Variants in PPFIA2 observed in about 807,000 individuals in gnomAD.
The protein encoded by PPFIA2 is PPFI scaffold protein A2.
A neutral mutation model predicts 175.5 loss-of-function variants in PPFIA2; 46 were observed. That is an observed-to-expected ratio of 0.26 (90% confidence interval 0.21 to 0.34). The LOEUF is 0.34. Among genes scored for constraint, PPFIA2 ranks in the 10% least tolerant of loss-of-function variants. The probability of loss-of-function intolerance (pLI) is 1.00; values close to 1 mark genes in which losing one functional copy is unlikely to be tolerated. For synonymous variants in PPFIA2, 568 were observed against 511.4 expected, an observed-to-expected ratio of 1.11 and a Z score of -1.49; for missense variants, 1,179 against 1,506.1, an observed-to-expected ratio of 0.78 and a Z score of 3.60.
Position 81,631,536 on chromosome 12 carries a change from T to C in PPFIA2, c.303+45255A>G, listed in dbSNP as rs183945552. Reference sequence around the variant, plus strand: ...TTGTATAAAATTATAAATTCTTATATAGAAATACAGAGAAAAAAGGAAAGT... The same window carrying C: ...TTGTATAAAATTATAAATTCTTATACAGAAATACAGAGAAAAAAGGAAAGT... On this transcript the variant is annotated intron_variant, in intron 4 of 32. Coordinates refer to ENST00000549396, the MANE Select transcript of PPFIA2 (RefSeq NM_003625.5). 4.3e-3 allele frequency among the ~76,000 whole-genome samples: 648 copies of C among 152,328 alleles called. 18 individuals are homozygous for C. The highest frequency in any genetic ancestry group is 0.038 in the Admixed American group (586 of 15,298).
In PPFIA2 at chr12:81,284,271, T is replaced by G; in HGVS notation, c.2958A>C (p.Glu986Asp). ...PSGNVWVTHE[E>D]MENLAAPAKT... ...TTGCTGGAGCTGCAAGATTTTCCAT[T>G]TCTTCATGAGTCACCCAAACGTTGC... is the stretch of plus-strand genomic sequence containing the variant. The change falls in exon 25 of 33, where the codon GAA (glutamate) becomes GAC (aspartate). Residue 986 changes from glutamate (E) to aspartate (D), a missense_variant. Coordinates refer to ENST00000549396, the MANE Select transcript of PPFIA2 (RefSeq NM_003625.5). The G allele has an allele frequency of 6.3e-7, 1 of 1,599,084 alleles. No individual in the cohort carries two copies. The highest frequency in any genetic ancestry group is 1.1e-5 in the South Asian group (1 of 89,128).
Position 81,368,809 on chromosome 12 carries a change from C to T in PPFIA2, c.1398G>A (p.Ser466=), listed in dbSNP as rs373683549. 38 of 1,610,556 alleles carry T rather than the reference C, an allele frequency of 2.4e-5. No individual in the cohort carries two copies. Among genetic ancestry groups the T allele is most frequent in the South Asian group, 1.5e-4 (14 of 90,980 alleles). ...KMNEEHNKRL[S]DTVDRLLTES... ...CAGTCAGAAGTCTATCAACCGTATCCGATAATCTCTTGTTATGCTCCTCAT... is the reference window on the plus strand; with the variant it reads ...CAGTCAGAAGTCTATCAACCGTATCTGATAATCTCTTGTTATGCTCCTCAT... Residue 466 remains serine (S), a synonymous_variant, in exon 13 of 33, where the codon TCG becomes TCA. Transcript: ENST00000549396.
chr12:81,666,156 G>T (rs1009387223), intron 4 of PPFIA2, among the ~76,000 whole-genome samples: 5 of 152,286 alleles, frequency 3.3e-5, no homozygotes, highest in African/African-American at 9.6e-5. Flanking sequence ...CTTCTACACT[G>T]TTGGTGGGAC....
chr12:81,582,755 T>C (rs887178333), intron 4 of PPFIA2, among the ~76,000 whole-genome samples: 15 of 151,852 alleles, frequency 9.9e-5, no homozygotes, highest in African/African-American at 3.6e-4. Context: ...CAAATTTGTA[T>C]TACCAAATAA....
chr12:81,411,539 G>A (rs1373821169), intron 7 of PPFIA2, among the ~76,000 whole-genome samples: 2 of 152,052 alleles, frequency 1.3e-5, no homozygotes, highest in East Asian at 3.9e-4. Flanking sequence ...ACAACTGGTA[G>A]TCTTGGCGGC....
chr12:81,298,420 T>A (rs915587712), intron 23 of PPFIA2: 1 of 152,248 alleles, frequency 6.6e-6, no homozygotes, highest in Non-Finnish European at 1.5e-5. Flanking sequence ...CTTTATTATT[T>A]ATTTACTTAG....
chr12:81,386,410 G>C (rs1057336867), intron 8 of PPFIA2, among the ~76,000 whole-genome samples: 1 of 151,792 alleles, frequency 6.6e-6, no homozygotes, highest in Non-Finnish European at 1.5e-5. Context: ...GATCACTTGA[G>C]GCCAGGAGTT....
At chr12:81,266,840 A>G in intron 30 of PPFIA2, 112 bp downstream of exon 30, 1 of 762,722 alleles carries the variant, frequency 1.3e-6, no homozygotes, top group Admixed American at 2.7e-5. Flanking sequence ...ATTGATTCTA[A>G]CCATAGAACA....
chr12:81,267,975 C>T lies in PPFIA2; in HGVS notation c.3423G>A (p.Leu1141=). 2 of 1,599,386 alleles carry T rather than the reference C, an allele frequency of 1.3e-6. No homozygotes were observed. Among genetic ancestry groups the T allele is most frequent in the East Asian group, 2.2e-5 (1 of 44,528 alleles). The change falls in exon 29 of 33, where the codon CTG becomes CTA. Residue 1141 remains leucine, a synonymous_variant. Coordinates refer to ENST00000549396, the MANE Select transcript of PPFIA2 (RefSeq NM_003625.5). ...ESGVHGSLIA[L]DENFDYSSLA... is the part of the protein sequence containing the mutation. ...AGCTGCTGTAGTCAAAGTTTTCATCCAGGGCTATAAGTGAGCCATGCACAC... is the reference window on the plus strand; with the variant it reads ...AGCTGCTGTAGTCAAAGTTTTCATCTAGGGCTATAAGTGAGCCATGCACAC...
chr12:81,550,454 G>A (rs2067729308), intron 4 of PPFIA2, among the ~76,000 whole-genome samples: 1 of 151,950 alleles, frequency 6.6e-6, no homozygotes, highest in Non-Finnish European at 1.5e-5. Context: ...GAAGCGATGT[G>A]ATCCAATTAG....
At chr12:81,564,280 G>T (rs2070830448) in intron 4 of PPFIA2, among the ~76,000 whole-genome samples, 1 of 139,862 alleles carries the variant, frequency 7.1e-6, no homozygotes, top group South Asian at 2.4e-4. Flanking sequence ...GATTTTTCAA[G>T]CTGAAGGAAA....
intron 4 of PPFIA2, among the ~76,000 whole-genome samples, chr12:81,657,879 C>T (rs1019570710): frequency 6.6e-6 from 1 of 151,914 alleles, no homozygotes; most frequent in Non-Finnish European, 1.5e-5. Context: ...TAAAAATAAC[C>T]CCCCCAACCC....
chr12:81,319,238 T>A (rs1444058177), intron 22 of PPFIA2, among the ~76,000 whole-genome samples: 1 of 151,764 alleles, frequency 6.6e-6, no homozygotes, highest in African/African-American at 2.4e-5. Context: ...TCTAAATAGA[T>A]CAAATATATC....
intron 4 of PPFIA2, among the ~76,000 whole-genome samples, chr12:81,654,540 A>T (rs150035014): frequency 1.3e-5 from 2 of 152,230 alleles, no homozygotes; most frequent in East Asian, 3.9e-4. Flanking sequence ...TAATGAGTAT[A>T]TAGACCTAGC....
intron 4 of PPFIA2, among the ~76,000 whole-genome samples, chr12:81,603,825 TAAAAA>T (rs60363527): frequency 1.9e-5 from 2 of 103,328 alleles, no homozygotes; most frequent in Admixed American, 2.1e-4. Context: ...CTATTCTGAC[TAAAAA>T]AAAAAAAAAA....
At chr12:81,533,727 CTATCTATCTATA>C (rs200156844) in intron 4 of PPFIA2, among the ~76,000 whole-genome samples, 25,677 of 119,690 alleles carry the variant, frequency 0.21, 2,543 homozygotes, top group African/African-American at 0.33. Context: ...ATCTATCTAT[CTATCTATCTATA>C]TATCTATCTA....
intron 4 of PPFIA2, among the ~76,000 whole-genome samples, chr12:81,493,748 G>C (rs1031830488): frequency 1.6e-5 from 2 of 127,952 alleles, no homozygotes; most frequent in African/African-American, 3.1e-5. Context: ...GTGTGTGTGT[G>C]TGTGTCTATA....
intron 28 of PPFIA2, among the ~76,000 whole-genome samples, chr12:81,274,220 C>T (rs530757302): frequency 2.0e-5 from 3 of 152,164 alleles, no homozygotes; most frequent in East Asian, 3.9e-4. Flanking sequence ...TTAAACACAC[C>T]GTTTTTTAAA....
chr12:81,634,619 T>C (rs1464469790), intron 4 of PPFIA2, among the ~76,000 whole-genome samples: 1 of 152,064 alleles, frequency 6.6e-6, no homozygotes, highest in Non-Finnish European at 1.5e-5. Context: ...GAATAATTTT[T>C]CTTGAAGGAA....
Sources: allele counts gnomAD v4.1 joint callset (sites outside exome capture counted in the v4.1 genomes callset), GRCh38; gene constraint gnomAD v4.1.1; transcripts MANE v1.5; gene names NCBI Gene and HGNC (gene_info 2026-07-23, HGNC 2026-07-21).